Variants in B4GALT5 observed in about 807,000 individuals in gnomAD.
B4GALT5 encodes beta-1,4-galactosyltransferase 5, also known as UDP-Gal:beta-GlcNAc beta-1,4-galactosyltransferase 5.
B4GALT5 carries 11 observed loss-of-function variants against 45.0 expected under a neutral mutation model. The observed-to-expected ratio is 0.24, with a 90% CI of 0.15 to 0.40. The LOEUF is 0.40. Among genes scored for constraint, B4GALT5 ranks in the 10% least tolerant of loss-of-function variants. B4GALT5 has a pLI of 1.00. For synonymous variants in B4GALT5, 185 were observed against 182.9 expected (o/e 1.01, Z -0.09); for missense variants, 337 against 500.2 (o/e 0.67, Z 3.11).
intron 1 of B4GALT5, among the ~76,000 whole-genome samples, chr20:49,676,362 G>A (rs756124019): frequency 3.9e-5 from 6 of 152,040 alleles, no homozygotes; most frequent in African/African-American, 7.3e-5. Flanking sequence ...GCTAATTTGC[G>A]GTTAGAACAC....
intron 1 of B4GALT5, among the ~76,000 whole-genome samples, chr20:49,691,550 T>C (rs2085812297): frequency 6.6e-6 from 1 of 152,052 alleles, no homozygotes; most frequent in African/African-American, 2.4e-5. Context: ...CCAAAACATG[T>C]TCTTCTGCAG....
At chr20:49,713,523 G>A (rs1600563493) in intron 1 of B4GALT5, 53 bp downstream of exon 1, 2 of 1,522,472 alleles carry the variant, frequency 1.3e-6, no homozygotes, top group Admixed American at 2.0e-5. Context: ...GGGATTCCCC[G>A]GGTCCCTCAA....
At chr20:49,638,179 A>C (rs2085561878) in intron 7 of B4GALT5, among the ~76,000 whole-genome samples, 1 of 151,996 alleles carries the variant, frequency 6.6e-6, no homozygotes, top group Admixed American at 6.6e-5. Context: ...CCACCACAAC[A>C]GGCTAATTTT....
At chr20:49,648,742 G>A (rs2085609181) in intron 2 of B4GALT5, among the ~76,000 whole-genome samples, 1 of 152,058 alleles carries the variant, frequency 6.6e-6, no homozygotes, top group Admixed American at 6.5e-5. Context: ...TTTTTCCTAG[G>A]GGACTGTACT....
Position 49,636,287 on chromosome 20 carries a change from T to A in B4GALT5, c.*25A>T, listed in dbSNP as rs1357663519. 8 of 1,612,254 alleles carry A rather than the reference T, an allele frequency of 5.0e-6. No homozygotes were observed. In the South Asian group the frequency reaches 8.8e-5, roughly 18 times the overall value. On this transcript the variant is annotated 3_prime_UTR_variant, in exon 9 of 9. Transcript: ENST00000371711. ...GGACTGCTTTCTTGGTGGCGGTGGG[T>A]AAAGCAAACGTACATTCTCTCCTCT...
chr20:49,706,869 A>C (rs975015850), intron 1 of B4GALT5, among the ~76,000 whole-genome samples: 8 of 152,214 alleles, frequency 5.3e-5, no homozygotes, highest in African/African-American at 1.9e-4. Context: ...TGTGCCGAAC[A>C]TACTTCCAAG....
intron 1 of B4GALT5, among the ~76,000 whole-genome samples, chr20:49,676,381 C>A (rs537795708): frequency 1.3e-5 from 2 of 152,196 alleles, no homozygotes; most frequent in Non-Finnish European, 2.9e-5. Flanking sequence ...ACAACACACT[C>A]AAGAAAATGA....
chr20:49,713,350 C>T (rs1600563378), intron 1 of B4GALT5, among the ~76,000 whole-genome samples: 1 of 99,488 alleles, frequency 1.0e-5, no homozygotes, highest in Admixed American at 1.2e-4. Flanking sequence ...TTAGGAGGGG[C>T]GGGGTGGGCC....
At chr20:49,667,861 T>C (rs1307907411) in intron 1 of B4GALT5, among the ~76,000 whole-genome samples, 1 of 152,232 alleles carries the variant, frequency 6.6e-6, no homozygotes, top group Non-Finnish European at 1.5e-5. Flanking sequence ...TTTTCCATTT[T>C]AAATCTGCTT....
At chr20:49,701,502 T>A (rs762635159) in intron 1 of B4GALT5, among the ~76,000 whole-genome samples, 12 of 152,146 alleles carry the variant, frequency 7.9e-5, no homozygotes, top group Non-Finnish European at 1.2e-4. Context: ...TGTGCACACA[T>A]CACGCCCCTC....
intron 1 of B4GALT5, among the ~76,000 whole-genome samples, chr20:49,671,753 A>G (rs1006058985): frequency 1.3e-5 from 2 of 152,354 alleles, no homozygotes; most frequent in Middle Eastern, 3.4e-3. Flanking sequence ...CCAAAATTTC[A>G]AAGTTTCCAA....
chr20:49,684,596 G>A (rs749400939), intron 1 of B4GALT5: 2 of 518,712 alleles, frequency 3.9e-6, no homozygotes, highest in East Asian at 1.1e-4. Flanking sequence ...ACTGAAAGAG[G>A]CCACATATCA....
intron 1 of B4GALT5, among the ~76,000 whole-genome samples, chr20:49,672,508 T>TC (rs545948410): frequency 1.0e-3 from 157 of 152,338 alleles, no homozygotes; most frequent in African/African-American, 3.5e-3. Context: ...AAACGGGTTC[T>TC]CTGGGCCATG....
At chr20:49,698,883 C>T (rs1250702432) in intron 1 of B4GALT5, among the ~76,000 whole-genome samples, 3 of 152,124 alleles carry the variant, frequency 2.0e-5, no homozygotes, top group Non-Finnish European at 4.4e-5. Flanking sequence ...TTATTAATAA[C>T]ATGCTTATTT....
chr20:49,641,388 T>TAAAATAA (rs1479181355), intron 5 of B4GALT5, among the ~76,000 whole-genome samples: 2 of 152,260 alleles, frequency 1.3e-5, no homozygotes, highest in Non-Finnish European at 2.9e-5. Flanking sequence ...TGTCTTGTTT[T>TAAAATAA]ATTTTTAAGA....
At chr20:49,660,930 A>G (rs2085662468) in intron 1 of B4GALT5, among the ~76,000 whole-genome samples, 1 of 152,238 alleles carries the variant, frequency 6.6e-6, no homozygotes, top group African/African-American at 2.4e-5. Context: ...ACTGCACTCC[A>G]GCCTGGGCAA....
At chr20:49,698,015 T>C (rs985241545) in intron 1 of B4GALT5, among the ~76,000 whole-genome samples, 2 of 152,206 alleles carry the variant, frequency 1.3e-5, no homozygotes, top group African/African-American at 4.8e-5. Flanking sequence ...CTATTAAGTT[T>C]ACTTTTATAT....
chr20:49,646,899 G>T, intron 3 of B4GALT5, 66 bp downstream of exon 3: 1 of 973,516 alleles, frequency 1.0e-6, no homozygotes, highest in South Asian at 1.6e-5. Flanking sequence ...CAGACAGAGA[G>T]ATCAAGAGTG....
intron 1 of B4GALT5, among the ~76,000 whole-genome samples, chr20:49,671,342 T>A (rs950568566): frequency 1.1e-4 from 17 of 152,144 alleles, no homozygotes; most frequent in African/African-American, 3.9e-4. Flanking sequence ...GCCACTACAC[T>A]CCAGCCTGAG....
Sources: allele counts gnomAD v4.1 joint callset (sites outside exome capture counted in the v4.1 genomes callset), GRCh38; gene constraint gnomAD v4.1.1; transcripts MANE v1.5; gene names NCBI Gene and HGNC (gene_info 2026-07-23, HGNC 2026-07-21).